The following TENM3 variants were observed in gnomAD, a reference collection of about 807,000 sequenced individuals.
TENM3 encodes teneurin-3.
Under a neutral mutation model 255.1 loss-of-function variants are expected in TENM3, and 63 were observed. The ratio of observed to expected loss-of-function variants is 0.25; its 90% CI spans 0.20 to 0.30. The LOEUF is 0.30. Ranked by LOEUF, TENM3 falls within the 10% of genes least tolerant of loss-of-function variation. The probability of loss-of-function intolerance (pLI) is 1.00; values close to 1 mark genes in which losing one functional copy is unlikely to be tolerated. For missense variants in TENM3, 2,929 were observed against 3,461.1 expected (o/e 0.85, Z 3.86); for synonymous variants, 1,306 against 1,322.3 (o/e 0.99, Z 0.27).
chr4:181,787,061 T>G, the TENM3 span, among the ~76,000 whole-genome samples: 1 of 152,216 alleles, frequency 6.6e-6, no homozygotes, highest in Non-Finnish European at 1.5e-5. Flanking sequence ...AGCACCTCAC[T>G]GCCTGGCAGA....
chr4:181,510,108 A>G, the TENM3 span, among the ~76,000 whole-genome samples: 1 of 152,256 alleles, frequency 6.6e-6, no homozygotes, highest in Non-Finnish European at 1.5e-5. Context: ...GGGTGTGTGT[A>G]CAATGCTTAT....
intron 1 of TENM3, among the ~76,000 whole-genome samples, chr4:182,296,019 T>C (rs768084302): frequency 1.3e-4 from 20 of 152,266 alleles, no homozygotes; most frequent in Non-Finnish European, 8.8e-5. Flanking sequence ...TGGTGTGATC[T>C]CAGCCCACCT....
chr4:182,282,356 T>G (rs1760442398), intron 1 of TENM3, among the ~76,000 whole-genome samples: 1 of 152,208 alleles, frequency 6.6e-6, no homozygotes, highest in Non-Finnish European at 1.5e-5. Context: ...CTTCATTATA[T>G]TAGTATATGC....
chr4:181,485,669 T>G, the TENM3 span, among the ~76,000 whole-genome samples: 1 of 152,168 alleles, frequency 6.6e-6, no homozygotes, highest in Non-Finnish European at 1.5e-5. Context: ...CGTATGAAAT[T>G]GGCACATAGA....
chr4:181,974,583 A>C, the TENM3 span, among the ~76,000 whole-genome samples: 4 of 152,106 alleles, frequency 2.6e-5, no homozygotes, highest in African/African-American at 4.8e-5. Flanking sequence ...AACAAACAAA[A>C]AAAGAATCAA....
At chr4:182,123,275 G>A in the TENM3 span, among the ~76,000 whole-genome samples, 16 of 152,052 alleles carry the variant, frequency 1.1e-4, no homozygotes, top group African/African-American at 1.9e-4. Context: ...CACTGGAGTC[G>A]CACTTTATAT....
intron 3 of TENM3, among the ~76,000 whole-genome samples, chr4:182,582,092 CG>C (rs1333203759): frequency 6.6e-6 from 1 of 152,156 alleles, no homozygotes; most frequent in Non-Finnish European, 1.5e-5. Context: ...TTCCCTGTAA[CG>C]GAAGAATGCT....
intron 1 of TENM3, among the ~76,000 whole-genome samples, chr4:182,321,518 C>T (rs571577190): frequency 8.5e-5 from 13 of 152,078 alleles, no homozygotes; most frequent in East Asian, 7.7e-4. Flanking sequence ...TCCAGCTACT[C>T]GGGAGGTTCA....
the TENM3 span, among the ~76,000 whole-genome samples, chr4:181,561,906 C>T: frequency 2.7e-4 from 41 of 152,190 alleles, no homozygotes; most frequent in Non-Finnish European, 4.9e-4. Flanking sequence ...TAACCTCCAA[C>T]TCGCAGGATG....
chr4:182,378,956 T>C (rs1767378302), intron 3 of TENM3, among the ~76,000 whole-genome samples: 1 of 151,960 alleles, frequency 6.6e-6, no homozygotes, highest in Non-Finnish European at 1.5e-5. Flanking sequence ...AATAACTGGG[T>C]ACGTGGCAGA....
the TENM3 span, among the ~76,000 whole-genome samples, chr4:181,767,282 A>G: frequency 6.6e-6 from 1 of 151,140 alleles, no homozygotes; most frequent in African/African-American, 2.4e-5. Flanking sequence ...GAAAGAAAAC[A>G]AAATCACAGT....
the TENM3 span, among the ~76,000 whole-genome samples, chr4:182,050,061 C>T: frequency 2.0e-5 from 3 of 151,796 alleles, no homozygotes; most frequent in Non-Finnish European, 4.4e-5. Flanking sequence ...GGTACAATCT[C>T]GGCTCCCTGC....
intron 3 of TENM3, among the ~76,000 whole-genome samples, chr4:182,485,803 C>T (rs1201099258): frequency 6.6e-6 from 1 of 152,146 alleles, no homozygotes; most frequent in Non-Finnish European, 1.5e-5. Context: ...TCCCTGTTCT[C>T]AAGGTGTTTA....
At chr4:181,836,157 G>A in the TENM3 span, among the ~76,000 whole-genome samples, 1 of 144,002 alleles carries the variant, frequency 6.9e-6, no homozygotes, top group Admixed American at 7.4e-5. Flanking sequence ...GATCATGTTT[G>A]CTATACACTG....
intron 1 of TENM3, among the ~76,000 whole-genome samples, chr4:182,220,325 A>G (rs962514759): frequency 6.9e-6 from 1 of 144,654 alleles, no homozygotes; most frequent in Non-Finnish European, 1.5e-5. Context: ...TGCAGTGAGC[A>G]GAGATCACAC....
intron 3 of TENM3, among the ~76,000 whole-genome samples, chr4:182,560,183 C>T (rs993313149): frequency 2.0e-5 from 3 of 151,134 alleles, no homozygotes; most frequent in East Asian, 3.9e-4. Context: ...CACAGGAATA[C>T]GTTACTTGAA....
chr4:182,625,135 G>A (rs1273278664), intron 4 of TENM3, among the ~76,000 whole-genome samples: 4 of 152,158 alleles, frequency 2.6e-5, no homozygotes. Flanking sequence ...TAATGAAGCC[G>A]ACAGAATGGA....
intron 2 of TENM3, among the ~76,000 whole-genome samples, chr4:182,330,811 G>A (rs1440518859): frequency 6.6e-6 from 1 of 152,202 alleles, no homozygotes; most frequent in East Asian, 1.9e-4. Context: ...CTGGAAATGT[G>A]TCAGAAGCAC....
At chr4:181,542,266 C>A in the TENM3 span, among the ~76,000 whole-genome samples, 1 of 152,126 alleles carries the variant, frequency 6.6e-6, no homozygotes, top group South Asian at 2.1e-4. Context: ...GAAGTGGGGA[C>A]TCCGTTGATC....
Sources: gnomAD v4.1 joint callset for allele counts (sites outside exome capture counted in the v4.1 genomes callset) on GRCh38, gnomAD v4.1.1 for gene constraint, MANE v1.5 for transcripts, NCBI Gene and HGNC (gene_info 2026-07-23, HGNC 2026-07-21) for gene names.